SLC15A5: variants seen among roughly 807,000 people sequenced by gnomAD.
SLC15A5 encodes solute carrier family 15 member 5.
In SLC15A5, 58 loss-of-function variants were observed where a neutral mutation model predicts 56.1. The ratio of observed to expected loss-of-function variants is 1.03; its 90% confidence interval spans 0.84 to 1.29. The LOEUF (loss-of-function observed/expected upper bound fraction) is 1.29, where lower values mean the gene tolerates loss of function less well. SLC15A5 is among the 50% of genes most tolerant of loss of function. SLC15A5 has a pLI of 0.00. For synonymous variants in SLC15A5, 264 were observed against 250.5 expected (o/e 1.05, Z -0.51); for missense variants, 681 against 672.1 (o/e 1.01, Z -0.15).
In SLC15A5 at chr12:16,237,953, A is replaced by G. The variant is rs558103327; in HGVS notation, c.1162+1728T>C. Among the ~76,000 whole-genome samples the G allele has an allele frequency of 6.6e-6, 1 of 152,276 alleles. No individual in the cohort carries two copies. Among genetic ancestry groups the G allele is most frequent in the African/African-American group, 2.4e-5 (1 of 41,570 alleles). ...ACTGCTAATCCTGGACATTCACCAA[A>G]TATGTGCTGGCTTTTGGATTTCTAC... is the stretch of plus-strand genomic sequence containing the variant. On this transcript the variant is annotated intron_variant, in intron 5 of 8. Coordinates refer to ENST00000344941, the MANE Select transcript of SLC15A5 (RefSeq NM_001170798.1). This position sits in a 1 kb window ranked among gnomAD's most constrained non-coding sequence, Gnocchi z 4.1.
At chr12:16,241,593 C>A (rs1225421270) in intron 4 of SLC15A5, among the ~76,000 whole-genome samples, 1 of 152,114 alleles carries the variant, frequency 6.6e-6, no homozygotes, top group Admixed American at 6.5e-5. Flanking sequence ...GTACAGATGG[C>A]AAGAGTTAAA....
intron 6 of SLC15A5, among the ~76,000 whole-genome samples, chr12:16,221,268 G>C (rs1012184013): frequency 6.6e-6 from 1 of 152,108 alleles, no homozygotes; most frequent in African/African-American, 2.4e-5. Flanking sequence ...ACAGTGAGAG[G>C]CAGGCAATAC....
intron 7 of SLC15A5, among the ~76,000 whole-genome samples, chr12:16,215,202 CAAA>C (rs33944569): frequency 8.3e-5 from 1 of 12,032 alleles, no homozygotes; most frequent in African/African-American, 3.5e-4. Context: ...GACTCTTTCT[CAAA>C]AAAAAAAAAA....
intron 5 of SLC15A5, among the ~76,000 whole-genome samples, chr12:16,229,390 T>G (rs892279148): frequency 6.6e-6 from 1 of 152,200 alleles, no homozygotes; most frequent in African/African-American, 2.4e-5. Context: ...CTCTTCACTC[T>G]GTCTGAAACC....
intron 2 of SLC15A5, among the ~76,000 whole-genome samples, chr12:16,266,086 T>G (rs973509425): frequency 6.6e-6 from 1 of 152,184 alleles, no homozygotes; most frequent in African/African-American, 2.4e-5. Flanking sequence ...GCAAACTGAT[T>G]TACTGTGATC....
intron 3 of SLC15A5, among the ~76,000 whole-genome samples, chr12:16,249,616 C>G (rs2136796414): frequency 6.6e-6 from 1 of 152,100 alleles, no homozygotes; most frequent in African/African-American, 2.4e-5. Context: ...AATATATGGA[C>G]TGCAATAGGC....
In SLC15A5 at chr12:16,205,590, T is replaced by TATACACACAC. The variant is rs775209178; in HGVS notation, c.1484-11138_1484-11137insGTGTGTGTAT. Among the ~76,000 whole-genome samples the TATACACACAC allele has an allele frequency of 7.5e-4, 43 of 57,146 alleles. 1 individual carries two copies. The highest frequency in any genetic ancestry group is 1.2e-3 in the Non-Finnish European group (31 of 26,884). The allele number at this position is 57,146 out of a possible 152,430, so 37.5% of individuals were successfully genotyped here. A position where few individuals can be genotyped will look rare whatever the true frequency, so the allele number is the denominator to read the frequency against. Reference sequence around the variant, plus strand: ...AAGAAGGGAAAGGTGCATATATATATACATATACACACACACACACATATA... The same window carrying TATACACACAC: ...AAGAAGGGAAAGGTGCATATATATATATACACACACACATATACACACACACACACATATA... On this transcript the variant is annotated intron_variant, in intron 7 of 8. Coordinates refer to ENST00000344941, the MANE Select transcript of SLC15A5 (RefSeq NM_001170798.1).
chr12:16,260,412 G>A (rs1473941084), intron 2 of SLC15A5, among the ~76,000 whole-genome samples: 4 of 151,850 alleles, frequency 2.6e-5, no homozygotes, highest in East Asian at 1.9e-4. Context: ...TGTTAAGTTC[G>A]GGTTTTTTCA....
At chr12:16,199,787 C>A (rs568372235) in intron 7 of SLC15A5, among the ~76,000 whole-genome samples, 119 of 152,136 alleles carry the variant, frequency 7.8e-4, no homozygotes, top group African/African-American at 2.7e-3. Context: ...AAGACATAGT[C>A]ATCCAAGAAG....
In SLC15A5 at chr12:16,189,711, TG is replaced by T; in HGVS notation, c.1696del (p.Gln566ArgfsTer35). Reference sequence around the variant, plus strand: ...AAGATCAATACTTGAAGAAAATTCCTGTATACTGCCATAAAATTTCAGAGAT... The same window carrying T: ...AAGATCAATACTTGAAGAAAATTCCTTATACTGCCATAAAATTTCAGAGAT... ...EKSLKFYGSIQEFSSSIDLWE... is the reference protein window; with the variant it reads ...EKSLKFYGSIXEFSSSIDLWE... On this transcript the variant is annotated frameshift_variant, in exon 9 of 9. Coordinates refer to ENST00000344941, the MANE Select transcript of SLC15A5 (RefSeq NM_001170798.1). LOFTEE classifies it high-confidence loss of function. 6.5e-7 allele frequency: 1 copy of T among 1,529,510 alleles called. No individual in the cohort carries two copies. Among genetic ancestry groups the T allele is most frequent in the Non-Finnish European group, 8.7e-7 (1 of 1,143,672 alleles). 94.7% of individuals were successfully genotyped at this position (1,529,510 alleles called of 1,614,324 possible).
chr12:16,218,194 A>G (rs971013085), intron 6 of SLC15A5, among the ~76,000 whole-genome samples: 2 of 152,170 alleles, frequency 1.3e-5, no homozygotes, highest in Non-Finnish European at 2.9e-5. Context: ...AGGGGAGTTT[A>G]TTATACTAAT....
intron 5 of SLC15A5, among the ~76,000 whole-genome samples, chr12:16,230,206 G>T (rs1864282561): frequency 6.6e-6 from 1 of 152,190 alleles, no homozygotes; most frequent in Admixed American, 6.5e-5. Flanking sequence ...ATAGAAAAGT[G>T]AATTTGAGGA....
At chr12:16,228,388 GAA>G (rs34872125) in intron 5 of SLC15A5, among the ~76,000 whole-genome samples, 2,294 of 152,310 alleles carry the variant, frequency 0.015, 58 homozygotes, top group African/African-American at 0.051. Context: ...TCATGTGTAA[GAA>G]AAGGTTTCAA....
chr12:16,245,613 GT>G (rs775358278), intron 3 of SLC15A5, among the ~76,000 whole-genome samples: 23 of 152,256 alleles, frequency 1.5e-4, no homozygotes, highest in Non-Finnish European at 3.4e-4. Flanking sequence ...CAGTTCAGCT[GT>G]GCTGTCATGA....
rs183742028 is a variant in SLC15A5, at chr12:16,189,558, A to C, written c.*110T>G. On this transcript the variant is annotated 3_prime_UTR_variant, in exon 9 of 9. Transcript: ENST00000344941. The stretch of plus-strand genomic sequence containing the variant: ...AATAAAGTATACAGATGATATTTGT[A>C]AAATCACCTCTGTATATATTGGCTT... The C allele has an allele frequency of 5.0e-4, 443 of 894,238 alleles. No homozygotes were observed. The African/African-American group carries it at 6.3e-3, about 13-fold the overall frequency. The allele number at this position is 894,238 out of a possible 1,614,324, so 55.4% of individuals were successfully genotyped here. A position where few individuals can be genotyped will look rare whatever the true frequency, so the allele number is the denominator to read the frequency against.
chr12:16,266,952 T>A (rs965621477), intron 2 of SLC15A5, among the ~76,000 whole-genome samples: 2 of 152,156 alleles, frequency 1.3e-5, no homozygotes, highest in African/African-American at 4.8e-5. Flanking sequence ...ATGAGAAAAA[T>A]TGTTGCTGCA....
At chr12:16,212,791 A>G (rs1379892916) in intron 7 of SLC15A5, among the ~76,000 whole-genome samples, 1 of 151,502 alleles carries the variant, frequency 6.6e-6, no homozygotes, top group Non-Finnish European at 1.5e-5. Flanking sequence ...AGAAGTAAAG[A>G]TTAGTAATTC....
At chr12:16,229,753 G>A (rs1258324427) in intron 5 of SLC15A5, among the ~76,000 whole-genome samples, 1 of 151,790 alleles carries the variant, frequency 6.6e-6, no homozygotes, top group Admixed American at 6.6e-5. Flanking sequence ...AATGAAACAT[G>A]TGACAAGTCT....
intron 8 of SLC15A5, 82 bp from the exon 9 acceptor site, chr12:16,189,897 C>A: frequency 9.4e-7 from 1 of 1,068,740 alleles, no homozygotes; most frequent in Non-Finnish European, 1.3e-6. Context: ...CTGCGCTTGT[C>A]TACCTTTTAT....
Sources: gnomAD v4.1 joint callset for allele counts (sites outside exome capture counted in the v4.1 genomes callset) on GRCh38, gnomAD v4.1.1 for gene constraint, Gnocchi (gnomAD v3.1) non-coding constraint, MANE v1.5 for transcripts, NCBI Gene and HGNC (gene_info 2026-07-23, HGNC 2026-07-21) for gene names.